Variants in DDHD2 observed in about 807,000 individuals in gnomAD.
DDHD2 encodes the protein DDHD domain containing 2.
Under a neutral mutation model 91.2 loss-of-function variants are expected in DDHD2, and 62 were observed. The ratio of observed to expected loss-of-function variants is 0.68; its 90% CI spans 0.55 to 0.84. The LOEUF is 0.84. Ranked by LOEUF, DDHD2 falls within the 40% of genes least tolerant of loss-of-function variation. The probability of loss-of-function intolerance (pLI) is 0.00; values close to 1 mark genes in which losing one functional copy is unlikely to be tolerated. For missense variants in DDHD2, 740 were observed against 846.9 expected (o/e 0.87, Z 1.57); for synonymous variants, 271 against 293.9 (o/e 0.92, Z 0.80).
At chr8:38,240,936 T>C (rs1213553541) in intron 6 of DDHD2, among the ~76,000 whole-genome samples, 1 of 152,000 alleles carries the variant, frequency 6.6e-6, no homozygotes, top group Non-Finnish European at 1.5e-5. Context: ...CCGGGCGCAG[T>C]GGCAGGCGCC....
intron 16 of DDHD2, among the ~76,000 whole-genome samples, chr8:38,254,546 A>C (rs1343620407): frequency 6.6e-6 from 1 of 151,900 alleles, no homozygotes; most frequent in African/African-American, 2.4e-5. Context: ...ATGCCCAGCT[A>C]ATTTTTGTAC....
At chr8:38,255,632 G>A (rs1806457017) in intron 16 of DDHD2, among the ~76,000 whole-genome samples, 1 of 151,662 alleles carries the variant, frequency 6.6e-6, no homozygotes, top group African/African-American at 2.4e-5. Context: ...GCAATGTTCT[G>A]TGCCTTGTTT....
At chr8:38,232,234 C>CTT (rs1804323783) in intron 1 of DDHD2, 1 of 153,042 alleles carries the variant, frequency 6.5e-6, no homozygotes, top group Non-Finnish European at 1.5e-5. Flanking sequence ...CTGCCCCCCG[C>CTT]CCTACGAGGC....
At chr8:38,266,532 C>T, downstream of DDHD2, 2 of 462,726 alleles carry the variant, frequency 4.3e-6, no homozygotes, top group South Asian at 5.1e-5. Flanking sequence ...TCCCGAGTAG[C>T]TGGGACTCCA....
At chr8:38,250,517 A>T (rs1347055645) in intron 11 of DDHD2, 2 of 152,092 alleles carry the variant, frequency 1.3e-5, no homozygotes, top group Non-Finnish European at 2.9e-5. Flanking sequence ...CATGTGCCTC[A>T]GCCTCCCAAA....
rs150672401 is a variant in DDHD2, at chr8:38,237,570, A to G, written c.444A>G (p.Glu148=). The G allele has an allele frequency of 6.3e-7, 1 of 1,597,606 alleles. No homozygotes were observed. The highest frequency in any genetic ancestry group is 8.5e-7 in the Non-Finnish European group (1 of 1,171,316). ...ETYMLAVTLD[E]WKKKLESPNR... is the part of the protein sequence containing the mutation. ...ACATGCTTGCTGTAACTTTGGATGA[A>G]TGGAAAAAGAAACTGGAATCTCCCA... is the stretch of plus-strand genomic sequence containing the variant. Residue 148 remains glutamate (E), a synonymous_variant, in exon 4 of 18, where the codon GAA becomes GAG. Coordinates refer to ENST00000397166, the MANE Select transcript of DDHD2 (RefSeq NM_015214.3).
intron 5 of DDHD2, chr8:38,238,876 T>G (rs887871923): frequency 4.6e-6 from 1 of 215,154 alleles, no homozygotes; most frequent in Non-Finnish European, 8.0e-6. Flanking sequence ...TAAAGAGGTA[T>G]GGTGCATGCA....
chr8:38,237,003 A>G (rs1804826397), intron 3 of DDHD2, among the ~76,000 whole-genome samples: 1 of 152,140 alleles, frequency 6.6e-6, no homozygotes, highest in Admixed American at 6.5e-5. Flanking sequence ...GTGAACACTA[A>G]TTATCTAGCG....
chr8:38,254,447 C>T (rs1176681973), intron 16 of DDHD2, among the ~76,000 whole-genome samples: 1 of 151,942 alleles, frequency 6.6e-6, no homozygotes, highest in Non-Finnish European at 1.5e-5. Flanking sequence ...GTGGCATGCT[C>T]ATGGTTCACT....
chr8:38,253,629 A>T lies in DDHD2; in HGVS notation c.1965A>T (p.Gly655=). 6.2e-7 allele frequency: 1 copy of T among 1,614,046 alleles called. No individual in the cohort carries two copies. The highest frequency in any genetic ancestry group is 8.5e-7 in the Non-Finnish European group (1 of 1,179,860). ...VLPINVGMLN[G]GQRIDYVLQE... ...CTATCAATGTGGGGATGCTGAATGGAGGCCAACGCATTGACTATGTGCTAC... is the reference window on the plus strand; with the variant it reads ...CTATCAATGTGGGGATGCTGAATGGTGGCCAACGCATTGACTATGTGCTAC... The change falls in exon 16 of 18, where the codon GGA becomes GGT. Residue 655 remains glycine, a synonymous_variant. Coordinates refer to ENST00000397166, the MANE Select transcript of DDHD2 (RefSeq NM_015214.3).
chr8:38,235,107 G>T (rs1442696243), intron 3 of DDHD2, among the ~76,000 whole-genome samples: 1 of 152,100 alleles, frequency 6.6e-6, no homozygotes, highest in Non-Finnish European at 1.5e-5. Flanking sequence ...AGTAGGAACT[G>T]TTCATTCATG....
Position 38,249,767 on chromosome 8 carries a change from GAT to G in DDHD2, c.1311_1312del (p.Leu438LysfsTer13). ...IGIPLGPRKKILNYFSTRKNS... is the reference protein window; with the variant it reads ...IGIPLGPRKKXLNYFSTRKNS... ...GAATTCCTTTAGGACCAAGAAAGAA[GAT>G]ATTAAACTATTTCAGCACCAGAAAA... On this transcript the variant is annotated frameshift_variant, in exon 11 of 18. Coordinates refer to ENST00000397166, the MANE Select transcript of DDHD2 (RefSeq NM_015214.3). LOFTEE classifies it high-confidence loss of function. 2 of 1,612,084 alleles carry G rather than the reference GAT, an allele frequency of 1.2e-6. No individual in the cohort carries two copies. The highest frequency in any genetic ancestry group is 1.7e-6 in the Non-Finnish European group (2 of 1,178,684).
downstream of DDHD2, chr8:38,264,670 G>C: frequency 6.8e-7 from 1 of 1,473,092 alleles, no homozygotes; most frequent in Non-Finnish European, 9.0e-7. Flanking sequence ...CATACACATA[G>C]CATAGAGGAC....
chr8:38,255,200 A>AC (rs1214947040), intron 16 of DDHD2: 2 of 268,072 alleles, frequency 7.5e-6, no homozygotes, highest in Non-Finnish European at 1.5e-5. Flanking sequence ...ATCTCAAAAA[A>AC]AAAAAAAAAA....
intron 10 of DDHD2, among the ~76,000 whole-genome samples, chr8:38,248,130 T>C (rs1047949176): frequency 5.3e-5 from 8 of 152,158 alleles, no homozygotes; most frequent in Non-Finnish European, 1.0e-4. Context: ...ATTCCAACTC[T>C]AATTTTCTGT....
At position 38,260,024 on chromosome 8, in the gene DDHD2, T is replaced by C; in HGVS notation, c.2055-16T>C. 1 of 1,563,942 alleles carries C rather than the reference T, an allele frequency of 6.4e-7. No individual in the cohort carries two copies. The highest frequency in any genetic ancestry group is 1.7e-4 in the Middle Eastern group (1 of 5,962). On this transcript the variant is annotated splice_polypyrimidine_tract_variant and intron_variant, in intron 16 of 17. Transcript: ENST00000397166. ...GTGTTAGTTCCTTTTCTCAACATAA[T>C]TTTTTCTCTTTATAGGGAGTCTGAA...
At chr8:38,248,482 G>A (rs1805828454) in intron 10 of DDHD2, among the ~76,000 whole-genome samples, 1 of 151,910 alleles carries the variant, frequency 6.6e-6, no homozygotes. Context: ...GGATAGACTG[G>A]TGAATAAGAC....
chr8:38,255,692 T>G (rs899399411), intron 16 of DDHD2, among the ~76,000 whole-genome samples: 3 of 152,070 alleles, frequency 2.0e-5, no homozygotes, highest in Admixed American at 2.0e-4. Flanking sequence ...TGTTGTTTCC[T>G]CATTTTTTTT....
At chr8:38,240,782 T>G (rs1446549896) in intron 6 of DDHD2, among the ~76,000 whole-genome samples, 2 of 152,084 alleles carry the variant, frequency 1.3e-5, no homozygotes, top group Admixed American at 1.3e-4. Context: ...TTTTGAAAGG[T>G]GTCCTCTAGG....
Sources: allele counts gnomAD v4.1 joint callset (sites outside exome capture counted in the v4.1 genomes callset), GRCh38; gene constraint gnomAD v4.1.1; transcripts MANE v1.5; gene names NCBI Gene and HGNC (gene_info 2026-07-23, HGNC 2026-07-21).